SRCIN1: variants seen among roughly 807,000 people sequenced by gnomAD.
The protein encoded by SRCIN1 is SRC kinase signaling inhibitor 1.
SRCIN1 carries 50 observed loss-of-function variants against 116.2 expected under a neutral mutation model. The ratio of observed to expected loss-of-function variants is 0.43; its 90% CI spans 0.34 to 0.54. The LOEUF (loss-of-function observed/expected upper bound fraction) is 0.54. Ranked by LOEUF, SRCIN1 falls within the 20% of genes least tolerant of loss-of-function variation. SRCIN1 has a pLI of 0.02. For missense variants in SRCIN1, 1,446 were observed against 1,672.0 expected, an observed-to-expected ratio of 0.86 and a Z score of 2.36; for synonymous variants, 736 against 750.0, an observed-to-expected ratio of 0.98 and a Z score of 0.30.
rs780060092 is a variant in SRCIN1, at chr17:38,578,546, T to C, written c.268A>G (p.Lys90Glu). ...RDAFMDHLKS[K>E]YPQHALALRG... ...AGGGCCAGGGCGTGCTGTGGGTACTTGCTCTTCAGGTGGTCCATGAAGGCA... is the reference window on the plus strand; with the variant it reads ...AGGGCCAGGGCGTGCTGTGGGTACTCGCTCTTCAGGTGGTCCATGAAGGCA... The change falls in exon 2 of 19, where the codon AAG becomes GAG. Residue 90 changes from lysine to glutamate, a missense_variant. By Grantham distance (56) the Lys-to-Glu change is moderately conservative. Transcript: ENST00000617146. 4.4e-6 allele frequency: 7 copies of C among 1,603,398 alleles called. No individual in the cohort carries two copies. The highest frequency in any genetic ancestry group is 6.0e-6 in the Non-Finnish European group (7 of 1,171,512).
At chr17:38,597,286 G>C (rs1390067693) in intron 1 of SRCIN1, among the ~76,000 whole-genome samples, 2 of 152,210 alleles carry the variant, frequency 1.3e-5, no homozygotes, top group Non-Finnish European at 2.9e-5. Context: ...AGGAGCTCCA[G>C]CTTCCTTCTT....
chr17:38,575,117 T>C, intron 2 of SRCIN1: 2 of 397,916 alleles, frequency 5.0e-6, no homozygotes, highest in Non-Finnish European at 8.9e-6. Context: ...TGCTGGCAAG[T>C]CCCTTATTTA....
At chr17:38,593,487 T>C (rs1908551965) in intron 1 of SRCIN1, among the ~76,000 whole-genome samples, 1 of 152,112 alleles carries the variant, frequency 6.6e-6, no homozygotes, top group South Asian at 2.1e-4. Flanking sequence ...GGGCTGAGGC[T>C]GCCCTGCTAG....
intron 2 of SRCIN1, among the ~76,000 whole-genome samples, chr17:38,570,550 C>G (rs1257475938): frequency 6.6e-6 from 1 of 152,214 alleles, no homozygotes; most frequent in Non-Finnish European, 1.5e-5. Context: ...AGGGAGGTGA[C>G]CTCTGATGCA....
intron 18 of SRCIN1, among the ~76,000 whole-genome samples, chr17:38,535,019 C>T (rs2040979868): frequency 6.6e-6 from 1 of 152,018 alleles, no homozygotes; most frequent in Non-Finnish European, 1.5e-5. Flanking sequence ...GTGGTTCCAG[C>T]TTCTCTGGAG....
At chr17:38,567,954 C>T (rs1326518785) in intron 3 of SRCIN1, among the ~76,000 whole-genome samples, 3 of 152,164 alleles carry the variant, frequency 2.0e-5, no homozygotes, top group African/African-American at 7.2e-5. Flanking sequence ...CTGGGGATGC[C>T]TGGGGACTGA....
chr17:38,552,011 G>A lies in SRCIN1; in HGVS notation c.2602C>T (p.Pro868Ser). Residue 868 changes from proline to serine, a missense_variant, in exon 14 of 19, where the codon CCG becomes TCG. Physicochemically the swap from Pro to Ser is moderately conservative, Grantham distance 74. Around this residue, in one of 5 missense-constraint regions of SRCIN1, gnomAD observed 531 missense variants for 633.9 expected, o/e 0.84. Transcript: ENST00000617146. The surrounding 1 kb of genome is among the most constrained non-coding windows in gnomAD (Gnocchi z 5.3). ...CCGCTCAGCTCATGCAGGTTCAGCG[G>A]GGGGCTGGGGGGTGGCATTTCGAAG... ...VDFEMPPPSP[P>S]LNLHELSGPA... 6.2e-7 allele frequency: 1 copy of A among 1,613,966 alleles called. No individual in the cohort carries two copies. The highest frequency in any genetic ancestry group is 8.5e-7 in the Non-Finnish European group (1 of 1,179,894).
chr17:38,576,495 C>T (rs961540876), intron 2 of SRCIN1, among the ~76,000 whole-genome samples: 1 of 152,006 alleles, frequency 6.6e-6, no homozygotes, highest in African/African-American at 2.4e-5. Flanking sequence ...TTCTTAGACC[C>T]CACTGTGCCC....
intron 3 of SRCIN1, among the ~76,000 whole-genome samples, chr17:38,567,240 G>A (rs1316174439): frequency 1.3e-5 from 2 of 152,188 alleles, no homozygotes; most frequent in Non-Finnish European, 2.9e-5. Context: ...CTATGATGCA[G>A]ACATTGTCGT....
At chr17:38,595,286 C>A (rs1423575730) in intron 1 of SRCIN1, among the ~76,000 whole-genome samples, 1 of 152,056 alleles carries the variant, frequency 6.6e-6, no homozygotes, top group Admixed American at 6.6e-5. Context: ...GGCGCAATCT[C>A]GGCTCACTGC....
At chr17:38,591,603 G>A (rs895372156) in intron 1 of SRCIN1, among the ~76,000 whole-genome samples, 3 of 152,176 alleles carry the variant, frequency 2.0e-5, no homozygotes, top group African/African-American at 7.2e-5. Flanking sequence ...CAAATGCTCA[G>A]GGCCTAAGAG....
At chr17:38,571,161 T>G (rs1907055002) in intron 2 of SRCIN1, among the ~76,000 whole-genome samples, 1 of 152,108 alleles carries the variant, frequency 6.6e-6, no homozygotes, top group Admixed American at 6.5e-5. Context: ...TGGGACAGAC[T>G]AGCGTGACTG....
intron 2 of SRCIN1, among the ~76,000 whole-genome samples, chr17:38,575,936 GGCAA>G (rs1907392895): frequency 6.6e-6 from 1 of 152,168 alleles, no homozygotes; most frequent in Non-Finnish European, 1.5e-5. Context: ...AACATTCCAT[GGCAA>G]GTGAACGGGC....
rs1906460369 is a variant in SRCIN1, at chr17:38,563,739, G to A, written c.542-218C>T. Reference sequence around the variant, plus strand: ...TCTCAAGGCACCCACTGGACTCCAGGCAGTTGAAGGAACTTGGACAAGGAA... The same window carrying A: ...TCTCAAGGCACCCACTGGACTCCAGACAGTTGAAGGAACTTGGACAAGGAA... On this transcript the variant is annotated intron_variant, in intron 4 of 18. Transcript: ENST00000617146. This position sits in a 1 kb window ranked among gnomAD's most constrained non-coding sequence, Gnocchi z 5.8. 1 of 709,318 alleles carries A rather than the reference G, an allele frequency of 1.4e-6. No homozygotes were observed. The highest frequency in any genetic ancestry group is 2.5e-6 in the Non-Finnish European group (1 of 405,262). 43.9% of individuals were successfully genotyped at this position (709,318 alleles called of 1,614,324 possible).
chr17:38,566,166 G>A (rs906372487), intron 3 of SRCIN1, among the ~76,000 whole-genome samples: 7 of 152,156 alleles, frequency 4.6e-5, no homozygotes, highest in Admixed American at 1.3e-4. Flanking sequence ...ATGGTGCCGG[G>A]GGGACACCAG....
At chr17:38,535,681 C>T (rs549775382) in intron 18 of SRCIN1, among the ~76,000 whole-genome samples, 33 of 152,154 alleles carry the variant, frequency 2.2e-4, no homozygotes, top group Non-Finnish European at 3.8e-4. Flanking sequence ...ACTCATCCAA[C>T]GGGAACCAGA....
chr17:38,569,850 G>C (rs963070180), intron 2 of SRCIN1, among the ~76,000 whole-genome samples: 6 of 152,154 alleles, frequency 3.9e-5, no homozygotes, highest in Non-Finnish European at 8.8e-5. Context: ...AGGCTCCAGC[G>C]GCAGCTGACT....
Position 38,605,782 on chromosome 17 carries a change from C to T in SRCIN1, c.-77G>A. On this transcript the variant is annotated 5_prime_UTR_variant, in exon 1 of 19. Transcript: ENST00000617146. ...CCCTCTCGCCGCCTCGCGGGCTCCT[C>T]GCTCGGCCCCAGCCCCGGGGCGCGG... The T allele has an allele frequency of 1.5e-6, 1 of 656,612 alleles. No individual in the cohort carries two copies. Among genetic ancestry groups the T allele is most frequent in the Non-Finnish European group, 1.9e-6 (1 of 518,020 alleles). 40.7% of individuals were successfully genotyped at this position (656,612 alleles called of 1,614,324 possible). A position where few individuals can be genotyped will look rare whatever the true frequency, so the allele number is the denominator to read the frequency against.
In SRCIN1 at chr17:38,533,188, C is replaced by T; in HGVS notation, c.*109G>A. The T allele has an allele frequency of 1.4e-6, 2 of 1,421,898 alleles. No homozygotes were observed. The highest frequency in any genetic ancestry group is 1.8e-6 in the Non-Finnish European group (2 of 1,081,550). The allele number at this position is 1,421,898 out of a possible 1,614,324, so 88.1% of individuals were successfully genotyped here. A position where few individuals can be genotyped will look rare whatever the true frequency, so the allele number is the denominator to read the frequency against. On this transcript the variant is annotated 3_prime_UTR_variant, in exon 19 of 19. Transcript: ENST00000617146. The stretch of plus-strand genomic sequence containing the variant: ...GCACCCTCCTCTTCAGGGCACACCC[C>T]TCAGGGCGTCTGGAGAGTAGGGTGG...
Sources: allele counts gnomAD v4.1 joint callset (sites outside exome capture counted in the v4.1 genomes callset), GRCh38; gene constraint gnomAD v4.1.1; regional missense constraint gnomAD v4.1.1; non-coding constraint Gnocchi (gnomAD v3.1); transcripts MANE v1.5; gene names NCBI Gene and HGNC (gene_info 2026-07-23, HGNC 2026-07-21).